Variants in EPB41L2 observed in about 807,000 individuals in gnomAD.
The protein encoded by EPB41L2 is erythrocyte membrane protein band 4.1 like 2, also known as band 4.1-like protein 2.
EPB41L2 carries 43 observed loss-of-function variants against 113.0 expected under a neutral mutation model. The ratio of observed to expected loss-of-function variants is 0.38; its 90% CI spans 0.30 to 0.49. The LOEUF (loss-of-function observed/expected upper bound fraction) is 0.49, where lower values mean the gene tolerates loss of function less well. Among genes scored for constraint, EPB41L2 ranks in the 20% least tolerant of loss-of-function variants. The pLI is 0.95. For synonymous variants in EPB41L2, 442 were observed against 436.7 expected (o/e 1.01, Z -0.15); for missense variants, 1,147 against 1,223.4 (o/e 0.94, Z 0.93).
chr6:130,933,673 A>C (rs1807729731), intron 3 of EPB41L2, among the ~76,000 whole-genome samples: 1 of 152,206 alleles, frequency 6.6e-6, no homozygotes, highest in African/African-American at 2.4e-5. Context: ...TCATTTAAAA[A>C]GAAAAAGAGT....
At chr6:130,849,370 G>T (rs1035094499) in intron 19 of EPB41L2, among the ~76,000 whole-genome samples, 1 of 152,108 alleles carries the variant, frequency 6.6e-6, no homozygotes, top group Non-Finnish European at 1.5e-5. Flanking sequence ...GTCTCTAAGC[G>T]GTCAGTTCTG....
intron 3 of EPB41L2, 42 bp from the exon 4 acceptor site, chr6:130,926,751 T>C (rs757822803): frequency 2.5e-6 from 3 of 1,216,134 alleles, no homozygotes; most frequent in Non-Finnish European, 3.5e-6. Flanking sequence ...GTACTAAAGA[T>C]TCCAAGACTG....
intron 1 of EPB41L2, among the ~76,000 whole-genome samples, chr6:131,048,898 C>T (rs1053702506): frequency 6.7e-5 from 10 of 150,338 alleles, no homozygotes; most frequent in African/African-American, 2.4e-4. Context: ...AAAACCTAAC[C>T]AGAAAAAAAA....
At chr6:130,932,514 T>G (rs1028855096) in intron 3 of EPB41L2, among the ~76,000 whole-genome samples, 3 of 152,194 alleles carry the variant, frequency 2.0e-5, no homozygotes, top group Admixed American at 2.0e-4. Flanking sequence ...ACTTACTGAC[T>G]TATCAAGACA....
chr6:130,969,761 T>A (rs6920493), intron 1 of EPB41L2, among the ~76,000 whole-genome samples: 119,256 of 152,136 alleles, frequency 0.78, 47,253 homozygotes, highest in East Asian at 1. Context: ...TGAAAGTTAT[T>A]ACTCTTTAAG....
rs543914170 is a variant in EPB41L2, at chr6:130,867,387, A to G, written c.2730+72T>C. 971 of 1,552,078 alleles carry G rather than the reference A, an allele frequency of 6.3e-4. 1 individual carries two copies. The highest frequency in any genetic ancestry group is 4.0e-3 in the Middle Eastern group (23 of 5,784). On this transcript the variant is annotated intron_variant, in intron 16 of 19. Transcript: ENST00000337057. ...AAGCCAGAAACATGTAAACTAAGAG[A>G]AGAAAGAATGAAAACATAGATACAC... is the stretch of plus-strand genomic sequence containing the variant.
At chr6:130,935,209 C>G (rs191530172) in intron 3 of EPB41L2, among the ~76,000 whole-genome samples, 1 of 152,290 alleles carries the variant, frequency 6.6e-6, no homozygotes, top group Admixed American at 6.5e-5. Flanking sequence ...AAGATACCCT[C>G]CAGTAACTGT....
At chr6:131,023,168 G>A (rs1386665120) in intron 1 of EPB41L2, among the ~76,000 whole-genome samples, 2 of 152,084 alleles carry the variant, frequency 1.3e-5, no homozygotes, top group African/African-American at 4.8e-5. Context: ...TCCATATAAT[G>A]ATATATTGCT....
At position 130,869,961 on chromosome 6, in the gene EPB41L2, G is replaced by T. The variant is rs2128448053; in HGVS notation, c.2209C>A (p.Leu737Met). 1.9e-6 allele frequency: 3 copies of T among 1,613,616 alleles called. No individual in the cohort carries two copies. The East Asian group carries it at 6.7e-5, about 36-fold the overall frequency. ...CTGCTGCTGCTGCTCTCAGAAGACA[G>T]GGAGGTGGAGTCTTTTTGTGTCACA... Reference protein sequence around the residue: ...EPVTQKDSTSLSSESSSSSSE... With the variant: ...EPVTQKDSTSMSSESSSSSSE... The change falls in exon 15 of 20, where the codon CTG becomes ATG. Residue 737 changes from leucine to methionine, a missense_variant. Transcript: ENST00000337057.
chr6:130,883,204 T>C (rs186164731), intron 12 of EPB41L2: 1 of 152,220 alleles, frequency 6.6e-6, no homozygotes, highest in Non-Finnish European at 1.5e-5. Context: ...GAATATGAAA[T>C]TACACAACAG....
chr6:130,860,907 C>A (rs150798925), intron 18 of EPB41L2, among the ~76,000 whole-genome samples: 128 of 152,224 alleles, frequency 8.4e-4, no homozygotes, highest in African/African-American at 2.8e-3. Context: ...TATTTTACCT[C>A]TCCTTGGTAT....
At chr6:130,953,839 A>G (rs1816179370) in intron 3 of EPB41L2, among the ~76,000 whole-genome samples, 1 of 151,908 alleles carries the variant, frequency 6.6e-6, no homozygotes. Context: ...AGGAGGGGCC[A>G]TCCTGGAAGC....
chr6:130,848,815 C>T (rs558834660), intron 19 of EPB41L2, among the ~76,000 whole-genome samples: 1 of 152,238 alleles, frequency 6.6e-6, no homozygotes, highest in South Asian at 2.1e-4. Flanking sequence ...CATGTTTAAA[C>T]AATTGGTATC....
intron 1 of EPB41L2, among the ~76,000 whole-genome samples, chr6:131,045,142 C>T (rs756776384): frequency 1.3e-5 from 2 of 152,204 alleles, no homozygotes; most frequent in Admixed American, 6.5e-5. Context: ...TCTTCAGGTG[C>T]TATAGTTTCT....
intron 1 of EPB41L2, among the ~76,000 whole-genome samples, chr6:131,003,854 G>A (rs1584441828): frequency 1.3e-5 from 2 of 152,288 alleles, no homozygotes; most frequent in East Asian, 3.9e-4. Flanking sequence ...CTGTGGAGGT[G>A]ATGTCATTAC....
intron 18 of EPB41L2, among the ~76,000 whole-genome samples, chr6:130,859,986 G>GT (rs1009789216): frequency 8.5e-5 from 13 of 152,312 alleles, no homozygotes; most frequent in African/African-American, 3.1e-4. Context: ...GTGGGAGCAG[G>GT]TATCTGGTTC....
chr6:131,033,945 A>C (rs1179901483), intron 1 of EPB41L2, among the ~76,000 whole-genome samples: 1 of 152,240 alleles, frequency 6.6e-6, no homozygotes, highest in Admixed American at 6.5e-5. Flanking sequence ...AATTTTTTAC[A>C]TATTTTTGTA....
chr6:130,856,647 A>G (rs992876664), intron 19 of EPB41L2, among the ~76,000 whole-genome samples: 1 of 152,234 alleles, frequency 6.6e-6, no homozygotes, highest in Admixed American at 6.5e-5. Context: ...TAGAAAATGA[A>G]AATGTGTAAC....
At chr6:130,922,128 C>T (rs1002855697) in intron 4 of EPB41L2, among the ~76,000 whole-genome samples, 2 of 152,188 alleles carry the variant, frequency 1.3e-5, no homozygotes, top group Non-Finnish European at 2.9e-5. Context: ...AAATAAGATT[C>T]CTAATTGAAA....
Sources: gnomAD v4.1 joint callset for allele counts (sites outside exome capture counted in the v4.1 genomes callset) on GRCh38, gnomAD v4.1.1 for gene constraint, MANE v1.5 for transcripts, NCBI Gene and HGNC (gene_info 2026-07-23, HGNC 2026-07-21) for gene names.